The following LGR4 variants were observed in gnomAD, a reference collection of about 807,000 sequenced individuals.
LGR4 encodes the protein leucine rich repeat containing G protein-coupled receptor 4.
Under a neutral mutation model 84.8 loss-of-function variants are expected in LGR4, and 44 were observed. That is an observed-to-expected ratio of 0.52 (90% CI 0.41 to 0.67). The LOEUF (loss-of-function observed/expected upper bound fraction) is 0.67, where lower values mean the gene tolerates loss of function less well. LGR4 is among the 30% of genes least tolerant of loss of function. The pLI is 0.00. For missense variants in LGR4, 1,032 were observed against 1,131.4 expected, an observed-to-expected ratio of 0.91 and a Z score of 1.26; for synonymous variants, 429 against 434.3, an observed-to-expected ratio of 0.99 and a Z score of 0.15.
intron 1 of LGR4, among the ~76,000 whole-genome samples, chr11:27,461,700 C>A (rs1051952088): frequency 1.6e-4 from 24 of 151,676 alleles, no homozygotes; most frequent in Non-Finnish European, 7.4e-5. Flanking sequence ...AAAGACAATT[C>A]TTCTTCCAGT....
rs556604092 is a variant in LGR4 at position 27,366,941 on chromosome 11, T to C, written c.*926A>G. 6.6e-6 allele frequency: 1 copy of C among 152,320 alleles called. No homozygotes were observed. The highest frequency in any genetic ancestry group is 2.1e-4 in the South Asian group (1 of 4,828). The allele number at this position is 152,320 out of a possible 1,614,324, so 9.4% of individuals were successfully genotyped here. A position where few individuals can be genotyped will look rare whatever the true frequency, so the allele number is the denominator to read the frequency against. On this transcript the variant is annotated 3_prime_UTR_variant, in exon 18 of 18. Transcript: ENST00000379214. ...AATGCAAGTATTGACCACAGTTTACTTTCTATATAATCCAAGCTATTGCTA... is the reference window on the plus strand; with the variant it reads ...AATGCAAGTATTGACCACAGTTTACCTTCTATATAATCCAAGCTATTGCTA...
intron 4 of LGR4, among the ~76,000 whole-genome samples, chr11:27,390,623 T>C (rs1296734039): frequency 2.0e-5 from 3 of 152,210 alleles, no homozygotes; most frequent in African/African-American, 7.2e-5. Flanking sequence ...ATTATTCTAG[T>C]AGAAGCTAAT....
chr11:27,460,836 G>A (rs926700421), intron 1 of LGR4, among the ~76,000 whole-genome samples: 13 of 151,990 alleles, frequency 8.6e-5, no homozygotes, highest in African/African-American at 3.1e-4. Flanking sequence ...ACTGGGTCAA[G>A]CTATTCATGT....
intron 1 of LGR4, among the ~76,000 whole-genome samples, chr11:27,428,761 T>C (rs1000562426): frequency 6.6e-6 from 1 of 152,110 alleles, no homozygotes; most frequent in Non-Finnish European, 1.5e-5. Context: ...TTTGTTTTTT[T>C]ACGACATAGG....
intron 2 of LGR4, among the ~76,000 whole-genome samples, chr11:27,399,239 A>G (rs1398515365): frequency 6.6e-6 from 1 of 151,852 alleles, no homozygotes; most frequent in African/African-American, 2.4e-5. Context: ...TTCTATACCT[A>G]CTTTTGAAGA....
At chr11:27,420,445 G>A (rs534275009) in intron 1 of LGR4, among the ~76,000 whole-genome samples, 8 of 152,242 alleles carry the variant, frequency 5.3e-5, no homozygotes, top group African/African-American at 1.4e-4. Flanking sequence ...ATACTATGAC[G>A]TGTGACTCAG....
rs772597322 is a variant in LGR4, at chr11:27,373,529, A to G, written c.1379+22T>C. On this transcript the variant is annotated intron_variant, in intron 15 of 17. Coordinates refer to ENST00000379214, the MANE Select transcript of LGR4 (RefSeq NM_018490.5). ...GAGCCTACCATAACTTCAACAAAAA[A>G]GAAAAATAAGCAAAAACACACCTGA... 50 of 1,505,706 alleles carry G rather than the reference A, an allele frequency of 3.3e-5. No individual in the cohort carries two copies. The South Asian group carries it at 6.5e-4, about 20-fold the overall frequency. 93.3% of individuals were successfully genotyped at this position (1,505,706 alleles called of 1,614,324 possible).
chr11:27,463,063 T>C (rs1230118204), intron 1 of LGR4, among the ~76,000 whole-genome samples: 2 of 72,716 alleles, frequency 2.8e-5, no homozygotes. Flanking sequence ...TGAGACCCTG[T>C]CTCCAAAAAA....
Position 27,472,181 on chromosome 11 carries a change from A to G in LGR4, c.122T>C (p.Val41Ala). ...CGTCAGCCCCTTCCCGGAGCAGTCC[A>G]CCCGACGGTCGCCGTCGCAGCTGCA... ...APCSCDGDRR[V>A]DCSGKGLTAV... The change falls in exon 1 of 18, where the codon GTG becomes GCG. Residue 41 changes from valine (V) to alanine (A), a missense_variant. By Grantham distance (64) the Val-to-Ala change is moderately conservative (BLOSUM62 0). Transcript: ENST00000379214. 21 of 1,234,628 alleles carry G rather than the reference A, an allele frequency of 1.7e-5. No homozygotes were observed. Among genetic ancestry groups the G allele is most frequent in the Non-Finnish European group, 2.1e-5 (20 of 973,502 alleles). 76.5% of individuals were successfully genotyped at this position (1,234,628 alleles called of 1,614,324 possible). A position where few individuals can be genotyped will look rare whatever the true frequency, so the allele number is the denominator to read the frequency against.
intron 2 of LGR4, 67 bp from the exon 3 acceptor site, chr11:27,392,585 C>A: frequency 4.6e-6 from 6 of 1,314,692 alleles, no homozygotes; most frequent in South Asian, 1.4e-5. Flanking sequence ...TCAGAACTTA[C>A]AAAAACCTAA....
chr11:27,383,892 A>T (rs771080046), intron 6 of LGR4, among the ~76,000 whole-genome samples: 2 of 152,228 alleles, frequency 1.3e-5, no homozygotes, highest in Non-Finnish European at 2.9e-5. Flanking sequence ...CAACAAAAGT[A>T]TCATAGCAGA....
chr11:27,457,769 C>T (rs1701701028), intron 1 of LGR4, among the ~76,000 whole-genome samples: 1 of 152,070 alleles, frequency 6.6e-6, no homozygotes, highest in African/African-American at 2.4e-5. Flanking sequence ...GGCAAATGTC[C>T]CTTGACTGGT....
chr11:27,389,104 T>C (rs867994287), intron 4 of LGR4, among the ~76,000 whole-genome samples: 1 of 152,148 alleles, frequency 6.6e-6, no homozygotes, highest in Non-Finnish European at 1.5e-5. Context: ...AAATCTTTCA[T>C]GTAATTCAGA....
intron 6 of LGR4, among the ~76,000 whole-genome samples, chr11:27,383,513 TG>T (rs1405793377): frequency 1.3e-5 from 2 of 152,214 alleles, no homozygotes; most frequent in African/African-American, 4.8e-5. Context: ...TATCCATTGA[TG>T]TTTCCTATCC....
In LGR4 at chr11:27,373,721, C is replaced by A; in HGVS notation, c.1254-45G>T. 2.0e-6 allele frequency: 3 copies of A among 1,472,204 alleles called. No homozygotes were observed. The South Asian group carries it at 4.0e-5, about 20-fold the overall frequency. The allele number at this position is 1,472,204 out of a possible 1,614,324, so 91.2% of individuals were successfully genotyped here. On this transcript the variant is annotated intron_variant, in intron 14 of 17. Coordinates refer to ENST00000379214, the MANE Select transcript of LGR4 (RefSeq NM_018490.5). ...TCAAGTTAATGCCCAATATATAAAT[C>A]ACATAAAAACATCTGTACACGTATT...
At chr11:27,456,625 C>A (rs183559990) in intron 1 of LGR4, among the ~76,000 whole-genome samples, 3 of 152,062 alleles carry the variant, frequency 2.0e-5, no homozygotes, top group African/African-American at 7.2e-5. Flanking sequence ...TCCTCATATA[C>A]CATGTAAGTG....
chr11:27,457,020 T>C lies in LGR4; in HGVS notation c.185+15098A>G, dbSNP rs184216534. On this transcript the variant is annotated intron_variant, in intron 1 of 17. Transcript: ENST00000379214. Reference sequence around the variant, plus strand: ...TTTCACCTGTTCCTCTTCTGATAAATTGTCAAATATCTAAGCAAACTACAG... The same window carrying C: ...TTTCACCTGTTCCTCTTCTGATAAACTGTCAAATATCTAAGCAAACTACAG... Among the ~76,000 whole-genome samples the C allele has an allele frequency of 2.6e-3, 401 of 152,220 alleles. 5 individuals carry two copies. Among genetic ancestry groups the C allele is most frequent in the Non-Finnish European group, 1.5e-3 (101 of 68,022 alleles).
At chr11:27,427,943 A>G (rs557885222) in intron 1 of LGR4, among the ~76,000 whole-genome samples, 2 of 152,302 alleles carry the variant, frequency 1.3e-5, no homozygotes, top group South Asian at 4.1e-4. Flanking sequence ...TATCAGCTAA[A>G]GATTCTGTCA....
At chr11:27,434,919 T>C (rs1236086429) in intron 1 of LGR4, among the ~76,000 whole-genome samples, 2 of 152,126 alleles carry the variant, frequency 1.3e-5, no homozygotes, top group Admixed American at 1.3e-4. Context: ...AAGTGACTAA[T>C]AATAGAGTCA....
Sources: gnomAD v4.1 joint callset for allele counts (sites outside exome capture counted in the v4.1 genomes callset) on GRCh38, gnomAD v4.1.1 for gene constraint, MANE v1.5 for transcripts, NCBI Gene and HGNC (gene_info 2026-07-23, HGNC 2026-07-21) for gene names.